LRRK1: variants seen among roughly 807,000 people sequenced by gnomAD.
LRRK1 encodes the protein leucine-rich repeat serine/threonine-protein kinase 1.
In LRRK1, 113 loss-of-function variants were observed where a neutral mutation model predicts 209.1. The observed-to-expected ratio is 0.54, with a 90% CI of 0.46 to 0.63. The LOEUF is 0.63. Among genes scored for constraint, LRRK1 ranks in the 30% least tolerant of loss-of-function variants. The probability of loss-of-function intolerance (pLI) is 0.00; values close to 1 mark genes in which losing one functional copy is unlikely to be tolerated. For missense variants in LRRK1, 2,284 were observed against 2,632.2 expected (o/e 0.87, Z 2.89); for synonymous variants, 1,144 against 1,099.7 (o/e 1.04, Z -0.80).
chr15:101,042,524 C>T (rs546770989), intron 20 of LRRK1, among the ~76,000 whole-genome samples: 91 of 152,212 alleles, frequency 6.0e-4, no homozygotes, highest in African/African-American at 2.2e-3. Flanking sequence ...TGCCACCATC[C>T]TCCTGTGGCT....
Position 101,066,149 on chromosome 15 carries a change from C to T in LRRK1, c.5712C>T (p.Ser1904=). The part of the protein sequence containing the change: ...DLTPMDGETF[S]QHLQAVKILA... The stretch of plus-strand genomic sequence containing the variant: ...CCCCCATGGACGGGGAGACCTTCAG[C>T]CAGCACCTGCAGGCCGTGAAGATCC... Residue 1904 remains serine (S), a synonymous_variant, in exon 32 of 34, where the codon AGC becomes AGT. Transcript: ENST00000388948. 6.2e-7 allele frequency: 1 copy of T among 1,613,884 alleles called. No homozygotes were observed. Among genetic ancestry groups the T allele is most frequent in the Non-Finnish European group, 8.5e-7 (1 of 1,179,958 alleles).
chr15:100,941,323 TG>T (rs2042408088), intron 2 of LRRK1, among the ~76,000 whole-genome samples: 1 of 151,854 alleles, frequency 6.6e-6, no homozygotes, highest in Non-Finnish European at 1.5e-5. Flanking sequence ...TCTGTGTGTG[TG>T]TGTCTGTGTC....
At chr15:100,934,941 C>T (rs573156702) in intron 2 of LRRK1, among the ~76,000 whole-genome samples, 1 of 152,100 alleles carries the variant, frequency 6.6e-6, no homozygotes, top group African/African-American at 2.4e-5. Context: ...GATGTTGAAT[C>T]TCAGGTCTGC....
chr15:101,015,974 T>A (rs2033518322), intron 12 of LRRK1, among the ~76,000 whole-genome samples: 3 of 149,758 alleles, frequency 2.0e-5, no homozygotes, highest in Admixed American at 6.7e-5. Flanking sequence ...AGGACTCTGG[T>A]CTTTCTTCCT....
intron 2 of LRRK1, among the ~76,000 whole-genome samples, chr15:100,970,907 A>AT (rs1567207303): frequency 6.6e-6 from 1 of 151,854 alleles, no homozygotes; most frequent in Non-Finnish European, 1.5e-5. Flanking sequence ...CTTTTGTTAC[A>AT]TTTTTTTCTA....
At chr15:101,065,252 C>A in intron 31 of LRRK1, 100 bp from the exon 32 acceptor site, 1 of 1,433,442 alleles carries the variant, frequency 7.0e-7, no homozygotes, top group Non-Finnish European at 9.4e-7. Context: ...AAGTGACTGC[C>A]CGCCTGGTGT....
In LRRK1 at chr15:101,076,897, T is replaced by C. The variant is rs1347746885; in HGVS notation, c.*8049T>C. The C allele has an allele frequency of 6.6e-6, 1 of 152,214 alleles. No individual in the cohort carries two copies. The highest frequency in any genetic ancestry group is 1.9e-4 in the East Asian group (1 of 5,202). The allele number at this position is 152,214 out of a possible 1,614,324, so 9.4% of individuals were successfully genotyped here. ...CACCATGGTCATTTCTTCCCTTCTG[T>C]CAAACATAATTCCTCGGTTTGGCCT... On this transcript the variant is annotated 3_prime_UTR_variant, in exon 34 of 34. Transcript: ENST00000388948.
intron 12 of LRRK1, 26 bp from the exon 13 acceptor site, chr15:101,021,027 C>G: frequency 6.2e-7 from 1 of 1,612,812 alleles, no homozygotes. Context: ...TTTTTAAATG[C>G]AGTCTGCTTT....
At chr15:100,995,017 G>A (rs192806447) in intron 6 of LRRK1, among the ~76,000 whole-genome samples, 297 of 152,298 alleles carry the variant, frequency 2.0e-3, no homozygotes, top group Middle Eastern at 3.4e-3. Context: ...ATGACACATG[G>A]TCTGAAAAGG....
intron 10 of LRRK1, 89 bp downstream of exon 10, chr15:101,012,234 C>T (rs1300235393): frequency 1.7e-6 from 2 of 1,154,318 alleles, no homozygotes; most frequent in East Asian, 4.9e-5. Flanking sequence ...TTTTCCTGAG[C>T]TTCTGAGATA....
intron 2 of LRRK1, 47 bp from the exon 3 acceptor site, chr15:100,973,757 C>A (rs557069688): frequency 3.2e-6 from 4 of 1,256,956 alleles, no homozygotes; most frequent in Non-Finnish European, 4.0e-6. Flanking sequence ...CAAGAGCACG[C>A]GGGCAGTGGG....
At chr15:100,975,340 T>C (rs2031229843) in intron 3 of LRRK1, among the ~76,000 whole-genome samples, 1 of 152,184 alleles carries the variant, frequency 6.6e-6, no homozygotes, top group Non-Finnish European at 1.5e-5. Flanking sequence ...GGGAAGATGA[T>C]CATGGAGAGA....
At chr15:100,951,393 C>T in intron 2 of LRRK1, among the ~76,000 whole-genome samples, 1 of 152,136 alleles carries the variant, frequency 6.6e-6, no homozygotes, top group South Asian at 2.1e-4. Flanking sequence ...AGTTTCTCAA[C>T]ATTTTGAACA....
chr15:101,041,897 T>C (rs6598424), intron 20 of LRRK1, among the ~76,000 whole-genome samples: 146,502 of 152,296 alleles, frequency 0.96, 70,735 homozygotes, highest in East Asian at 1. Flanking sequence ...ATAATTATGA[T>C]ATACTGTCAC....
chr15:100,989,214 C>T (rs1463048961), intron 5 of LRRK1, 36 bp from the exon 6 acceptor site: 15 of 1,597,756 alleles, frequency 9.4e-6, no homozygotes, highest in Non-Finnish European at 1.2e-5. Context: ...ACACTAGCAT[C>T]TGCATGCCCT....
chr15:100,941,418 G>C (rs12912407), intron 2 of LRRK1, among the ~76,000 whole-genome samples: 5 of 130,072 alleles, frequency 3.8e-5, no homozygotes, highest in African/African-American at 1.7e-4. Context: ...GTCTCTGTGT[G>C]TGTGTGTGTC....
chr15:101,051,988 A>G (rs1461433905), intron 24 of LRRK1, 28 bp downstream of exon 24: 2 of 1,605,696 alleles, frequency 1.2e-6, no homozygotes, highest in Non-Finnish European at 1.7e-6. Flanking sequence ...CTCCCAGAAC[A>G]CAGTGCAGGT....
chr15:100,937,351 A>C (rs2042318344), intron 2 of LRRK1, among the ~76,000 whole-genome samples: 1 of 152,144 alleles, frequency 6.6e-6, no homozygotes, highest in African/African-American at 2.4e-5. Flanking sequence ...TCTCTTCCAA[A>C]GAATCAGGGC....
chr15:100,985,509 G>A (rs79487970), intron 4 of LRRK1, among the ~76,000 whole-genome samples: 6,422 of 152,274 alleles, frequency 0.042, 170 homozygotes, highest in African/African-American at 0.076. Flanking sequence ...CTACACTGAG[G>A]TTGAAGTATT....
Sources: allele counts gnomAD v4.1 joint callset (sites outside exome capture counted in the v4.1 genomes callset), GRCh38; gene constraint gnomAD v4.1.1; transcripts MANE v1.5; gene names NCBI Gene and HGNC (gene_info 2026-07-23, HGNC 2026-07-21).